The following DIS3L2 variants were observed in gnomAD, a reference collection of about 807,000 sequenced individuals.
DIS3L2 encodes the protein DIS3 like 3'-5' exoribonuclease 2.
Under a neutral mutation model 97.5 loss-of-function variants are expected in DIS3L2, and 34 were observed. That is an observed-to-expected ratio of 0.35 (90% confidence interval 0.27 to 0.46). The LOEUF (loss-of-function observed/expected upper bound fraction) is 0.46, where lower values mean the gene tolerates loss of function less well. Among genes scored for constraint, DIS3L2 ranks in the 20% least tolerant of loss-of-function variants. The probability of loss-of-function intolerance (pLI) is 1.00; values close to 1 mark genes in which losing one functional copy is unlikely to be tolerated. For synonymous variants in DIS3L2, 435 were observed against 445.2 expected, an observed-to-expected ratio of 0.98 and a Z score of 0.29; for missense variants, 1,038 against 1,146.0, an observed-to-expected ratio of 0.91 and a Z score of 1.36.
intron 9 of DIS3L2, among the ~76,000 whole-genome samples, chr2:232,175,384 A>C (rs913799462): frequency 2.0e-5 from 3 of 152,096 alleles, no homozygotes; most frequent in African/African-American, 7.2e-5. Flanking sequence ...ATGGTGTATA[A>C]TGATTTTTAC....
intron 9 of DIS3L2, among the ~76,000 whole-genome samples, chr2:232,166,238 A>G (rs941266263): frequency 1.3e-5 from 2 of 152,098 alleles, no homozygotes; most frequent in African/African-American, 4.8e-5. Flanking sequence ...CAGCCTGGAC[A>G]ACGGAGCAAG....
At chr2:232,136,081 T>C (rs1698350979) in intron 7 of DIS3L2, among the ~76,000 whole-genome samples, 1 of 152,162 alleles carries the variant, frequency 6.6e-6, no homozygotes, top group African/African-American at 2.4e-5. Flanking sequence ...ATAACCCTTT[T>C]ACTTTTGCAA....
rs1206646654 is a variant in DIS3L2 at position 232,030,030 on chromosome 2, T to G, written c.316T>G (p.Leu106Val). ...TGGGGTTGTTGCTCGTAATAGAGCC[T>G]TAAATGGGGATCTGGTGGTCGTGAA... ...IDGVVARNRA[L>V]NGDLVVVKLL... The change falls in exon 5 of 21, where the codon TTA becomes GTA. Residue 106 changes from leucine to valine, a missense_variant. Transcript: ENST00000325385. 2 of 1,610,774 alleles carry G rather than the reference T, an allele frequency of 1.2e-6. No homozygotes were observed. Among genetic ancestry groups the G allele is most frequent in the Admixed American group, 3.4e-5 (2 of 59,490 alleles).
At chr2:232,007,764 A>G (rs1694092958) in intron 1 of DIS3L2, among the ~76,000 whole-genome samples, 1 of 152,246 alleles carries the variant, frequency 6.6e-6, no homozygotes, top group Admixed American at 6.5e-5. Context: ...TTTAAAAAAT[A>G]TGAACTATCT....
chr2:232,045,779 A>G (rs547756569), intron 5 of DIS3L2, among the ~76,000 whole-genome samples: 3 of 150,082 alleles, frequency 2.0e-5, no homozygotes, highest in South Asian at 4.2e-4. Flanking sequence ...GGTTCAAGCA[A>G]TTCCCTTGCC....
chr2:232,147,831 T>C (rs1165124653), intron 8 of DIS3L2, among the ~76,000 whole-genome samples: 1 of 152,208 alleles, frequency 6.6e-6, no homozygotes, highest in East Asian at 1.9e-4. Context: ...GTCAGTTCCC[T>C]AGTAGAATTT....
intron 13 of DIS3L2, among the ~76,000 whole-genome samples, chr2:232,297,598 G>A (rs883939): frequency 0.21 from 32,574 of 152,016 alleles, 4,998 homozygotes; most frequent in East Asian, 0.49. Flanking sequence ...TGTCAAAGCA[G>A]TGTATGCTTA....
intron 11 of DIS3L2, among the ~76,000 whole-genome samples, chr2:232,241,732 A>G (rs1040111357): frequency 2.6e-5 from 4 of 152,250 alleles, no homozygotes; most frequent in South Asian, 2.1e-4. Context: ...AGGACACAAC[A>G]TTTGCTCAGT....
In DIS3L2 at chr2:232,024,313, G is replaced by T. The variant is rs1694599902; in HGVS notation, c.247G>T (p.Ala83Ser). Reference protein sequence around the residue: ...LRINPKKFHEAFIPSPDGDRD... With the variant: ...LRINPKKFHESFIPSPDGDRD... ...AATTAATCCAAAGAAGTTTCATGAA[G>T]CCTTCATTCCTTCCCCGGTAAGTTC... The change falls in exon 4 of 21, where the codon GCC becomes TCC. Residue 83 changes from alanine (A) to serine (S), a missense_variant. Ala to Ser is a moderately conservative substitution (Grantham distance 99). Transcript: ENST00000325385. 4 of 1,602,696 alleles carry T rather than the reference G, an allele frequency of 2.5e-6. No individual in the cohort carries two copies. In the African/African-American group the frequency reaches 4.0e-5, roughly 16 times the overall value.
chr2:231,993,206 C>G (rs1016684589), intron 1 of DIS3L2, among the ~76,000 whole-genome samples: 5 of 152,042 alleles, frequency 3.3e-5, no homozygotes, highest in Admixed American at 2.6e-4. Context: ...CCCGTCCATC[C>G]AATTATGTAA....
chr2:232,283,130 C>T (rs914262522), intron 13 of DIS3L2, among the ~76,000 whole-genome samples: 3 of 152,182 alleles, frequency 2.0e-5, no homozygotes, highest in South Asian at 4.1e-4. Context: ...CTGCAGTTTG[C>T]CAAGTGCTTT....
chr2:232,221,293 A>T (rs1692500813), intron 10 of DIS3L2, among the ~76,000 whole-genome samples: 1 of 152,068 alleles, frequency 6.6e-6, no homozygotes, highest in Non-Finnish European at 1.5e-5. Context: ...GTGCATGTAG[A>T]TCTTATTTTT....
rs372566220 is a variant in DIS3L2 at position 232,221,848 on chromosome 2, A to C, written c.1204+11443A>C. Among the ~76,000 whole-genome samples, 13 of 152,198 alleles carry C rather than the reference A, an allele frequency of 8.5e-5. No individual in the cohort carries two copies. The East Asian group carries it at 1.2e-3, about 14-fold the overall frequency. The stretch of plus-strand genomic sequence containing the variant: ...CACTTCAGGGCAATTTTCTGCTTGG[A>C]TACATTTCTGGGTTTTGTCTCTGAC... On this transcript the variant is annotated intron_variant, in intron 10 of 20. Coordinates refer to ENST00000325385, the MANE Select transcript of DIS3L2 (RefSeq NM_152383.5).
At position 232,329,919 on chromosome 2, in the gene DIS3L2, A is replaced by G; in HGVS notation, c.1846A>G (p.Arg616Gly). The G allele has an allele frequency of 1.9e-6, 3 of 1,613,012 alleles. No homozygotes were observed. The highest frequency in any genetic ancestry group is 2.5e-6 in the Non-Finnish European group (3 of 1,179,782). The change falls in exon 15 of 21, where the codon AGG becomes GGG. Residue 616 changes from arginine (R) to glycine (G), a missense_variant. By Grantham distance (125) the Arg-to-Gly change is moderately radical (BLOSUM62 -2). Around this residue, in one of 3 missense-constraint regions of DIS3L2, gnomAD observed 813 missense variants for 880.1 expected, o/e 0.92. Coordinates refer to ENST00000325385, the MANE Select transcript of DIS3L2 (RefSeq NM_152383.5). ...GCGCCGGCACCCCCCGCCCCAAACA[A>G]GGATGCTCAGTGACCTGGTGGAATT... Reference protein sequence around the residue: ...LLRRHPPPQTRMLSDLVEFCD... With the variant: ...LLRRHPPPQTGMLSDLVEFCD...
At chr2:232,038,398 G>C (rs1695013793) in intron 5 of DIS3L2, among the ~76,000 whole-genome samples, 2 of 152,080 alleles carry the variant, frequency 1.3e-5, no homozygotes, top group Non-Finnish European at 2.9e-5. Context: ...AAGTTGGGTG[G>C]GTGTAGAGCA....
chr2:232,061,658 A>G (rs1281810256), intron 5 of DIS3L2, among the ~76,000 whole-genome samples: 6 of 152,216 alleles, frequency 3.9e-5, no homozygotes, highest in Admixed American at 2.6e-4. Context: ...AGAGTTGGCA[A>G]TACCTTCCTC....
intron 5 of DIS3L2, among the ~76,000 whole-genome samples, chr2:232,063,679 C>G (rs183476014): frequency 1.3e-5 from 2 of 152,100 alleles, no homozygotes; most frequent in African/African-American, 4.8e-5. Flanking sequence ...AAGACACTGC[C>G]TTCATTTCCT....
At chr2:232,017,120 C>A (rs1422922412) in intron 3 of DIS3L2, among the ~76,000 whole-genome samples, 1 of 152,064 alleles carries the variant, frequency 6.6e-6, no homozygotes, top group Non-Finnish European at 1.5e-5. Context: ...GAGAAAGTCT[C>A]ACTCTGTTGC....
chr2:232,136,793 T>G (rs1698372319), intron 8 of DIS3L2, 74 bp downstream of exon 8: 1 of 1,531,900 alleles, frequency 6.5e-7, no homozygotes, highest in African/African-American at 1.4e-5. Context: ...GGTAAACTTT[T>G]TGTGTATTTT....
Sources: gnomAD v4.1 joint callset for allele counts (sites outside exome capture counted in the v4.1 genomes callset) on GRCh38, gnomAD v4.1.1 for gene constraint, gnomAD v4.1.1 regional missense constraint, MANE v1.5 for transcripts, NCBI Gene and HGNC (gene_info 2026-07-23, HGNC 2026-07-21) for gene names.